Variants in FOCAD observed in about 807,000 individuals in gnomAD.
FOCAD encodes the protein focadhesin, also known as KIAA1797.
FOCAD carries 198 observed loss-of-function variants against 225.6 expected under a neutral mutation model. That is an observed-to-expected ratio of 0.88 (90% CI 0.78 to 0.99). FOCAD has a LOEUF of 0.99. FOCAD is among the 50% of genes least tolerant of loss of function. FOCAD has a pLI of 0.00. For synonymous variants in FOCAD, 897 were observed against 755.0 expected (o/e 1.19, Z -3.08); for missense variants, 2,713 against 2,123.6 (o/e 1.28, Z -5.46).
intron 11 of FOCAD, among the ~76,000 whole-genome samples, chr9:20,800,365 T>C (rs1200894823): frequency 1.3e-5 from 2 of 152,122 alleles, no homozygotes; most frequent in African/African-American, 2.4e-5. Context: ...TGTGGCATTC[T>C]CTGTGTTTCC....
chr9:20,805,048 C>T (rs1482587686), intron 11 of FOCAD, among the ~76,000 whole-genome samples: 1 of 152,138 alleles, frequency 6.6e-6, no homozygotes, highest in Admixed American at 6.6e-5. Flanking sequence ...GTAATAGTTT[C>T]CGCAGGGAAA....
At position 20,944,679 on chromosome 9, in the gene FOCAD, A is replaced by T; in HGVS notation, c.3460A>T (p.Ser1154Cys). 3.1e-6 allele frequency: 5 copies of T among 1,614,156 alleles called. No homozygotes were observed. Among genetic ancestry groups the T allele is most frequent in the Non-Finnish European group, 4.2e-6 (5 of 1,179,978 alleles). Residue 1154 changes from serine to cysteine, a missense_variant, in exon 29 of 44, where the codon AGC (serine) becomes TGC (cysteine). Transcript: ENST00000338382. ...TGTTCTGTCCCTCATGAGCCACAGC[A>T]GCCAAATGCAGTCCCGCGTTCACGT... The part of the protein sequence containing the change: ...GLVLSLMSHS[S>C]QMQSRVHVAA...
At chr9:20,991,234 TTA>T (rs1174351323) in intron 42 of FOCAD, among the ~76,000 whole-genome samples, 5 of 152,234 alleles carry the variant, frequency 3.3e-5, no homozygotes, top group Non-Finnish European at 5.9e-5. Context: ...GTACTTCTCA[TTA>T]TATGTTTCTG....
intron 15 of FOCAD, among the ~76,000 whole-genome samples, chr9:20,851,089 G>C (rs1478113779): frequency 6.6e-6 from 1 of 151,356 alleles, no homozygotes; most frequent in African/African-American, 2.4e-5. Context: ...CCTTAAGTTG[G>C]TTTAAGTGTC....
intron 19 of FOCAD, among the ~76,000 whole-genome samples, chr9:20,877,641 A>G (rs1830335500): frequency 6.6e-6 from 1 of 152,198 alleles, no homozygotes. Flanking sequence ...TTGTAACTGC[A>G]GTCACCGGAA....
At chr9:20,768,062 G>C (rs1488278341) in intron 7 of FOCAD, among the ~76,000 whole-genome samples, 7 of 150,438 alleles carry the variant, frequency 4.7e-5, no homozygotes, top group East Asian at 2.0e-4. Flanking sequence ...AGTTTTCCCA[G>C]CACCATTTAT....
In FOCAD at chr9:20,976,531, T is replaced by A. The variant is rs750912134; in HGVS notation, c.4244T>A (p.Leu1415His). The change falls in exon 36 of 44, where the codon CTT becomes CAT. Residue 1415 changes from leucine to histidine, a missense_variant. Coordinates refer to ENST00000338382, the MANE Select transcript of FOCAD (RefSeq NM_001375567.1). Reference protein sequence around the residue: ...PVNWAALLSPLMRLNFGEEIQ... With the variant: ...PVNWAALLSPHMRLNFGEEIQ... ...AACTGGGCTGCACTTCTCTCTCCACTTATGAGGCTAAATTTTGGTAAATAT... is the reference window on the plus strand; with the variant it reads ...AACTGGGCTGCACTTCTCTCTCCACATATGAGGCTAAATTTTGGTAAATAT... The A allele has an allele frequency of 1.2e-6, 2 of 1,613,090 alleles. No individual in the cohort carries two copies. Among genetic ancestry groups the A allele is most frequent in the Non-Finnish European group, 1.7e-6 (2 of 1,179,198 alleles).
intron 35 of FOCAD, among the ~76,000 whole-genome samples, chr9:20,971,555 C>G (rs1172720523): frequency 6.6e-6 from 1 of 151,842 alleles, no homozygotes; most frequent in Non-Finnish European, 1.5e-5. Flanking sequence ...TTCTCCTGCC[C>G]CAGCCTCCTG....
At chr9:20,699,319 G>C (rs1280042853) in intron 1 of FOCAD, among the ~76,000 whole-genome samples, 1 of 152,056 alleles carries the variant, frequency 6.6e-6, no homozygotes, top group Non-Finnish European at 1.5e-5. Context: ...GTAAGTTGCT[G>C]GTCTTTGGAG....
At chr9:20,921,059 A>G (rs1834378479) in intron 24 of FOCAD, among the ~76,000 whole-genome samples, 1 of 152,052 alleles carries the variant, frequency 6.6e-6, no homozygotes, top group East Asian at 1.9e-4. Flanking sequence ...TTTCACATCC[A>G]AAAAAATAAA....
chr9:20,760,618 A>AT lies in FOCAD; in HGVS notation c.494+2435dup, dbSNP rs372804466. Among the ~76,000 whole-genome samples the AT allele has an allele frequency of 5.3e-3, 810 of 151,500 alleles. 13 individuals are homozygous for AT. The highest frequency in any genetic ancestry group is 4.7e-3 in the Non-Finnish European group (316 of 67,850). ...CTTTATTTGAAATCTCTGTTTAGGC[A>AT]TTTTTTTTGCCCTAGGGTCTTTTCT... On this transcript the variant is annotated intron_variant, in intron 6 of 43. Transcript: ENST00000338382.
intron 21 of FOCAD, 90 bp downstream of exon 21, chr9:20,885,320 G>T (rs1005845886): frequency 9.5e-5 from 120 of 1,258,052 alleles, no homozygotes; most frequent in Middle Eastern, 6.7e-4. Flanking sequence ...TAATTTTTTT[G>T]ATCATAATTA....
At chr9:20,973,803 C>A (rs147869475) in intron 35 of FOCAD, among the ~76,000 whole-genome samples, 1,352 of 132,008 alleles carry the variant, frequency 0.01, no homozygotes, top group African/African-American at 0.036. Flanking sequence ...TCTTGCTTCC[C>A]CATTTTAGCA....
At chr9:20,832,474 G>A (rs912173519) in intron 15 of FOCAD, among the ~76,000 whole-genome samples, 3 of 151,708 alleles carry the variant, frequency 2.0e-5, no homozygotes, top group Admixed American at 6.6e-5. Flanking sequence ...ATACAGGCAC[G>A]CAACATGAAA....
intron 21 of FOCAD, among the ~76,000 whole-genome samples, chr9:20,895,854 C>T (rs931553026): frequency 1.6e-4 from 25 of 151,920 alleles, no homozygotes; most frequent in Admixed American, 1.2e-3. Context: ...CTTCAGCATA[C>T]ATTTTACTTT....
chr9:20,895,336 G>A (rs1831986755), intron 21 of FOCAD, among the ~76,000 whole-genome samples: 1 of 151,756 alleles, frequency 6.6e-6, no homozygotes, highest in African/African-American at 2.4e-5. Context: ...GAATCAATTT[G>A]TTGTTATCCA....
intron 33 of FOCAD, among the ~76,000 whole-genome samples, chr9:20,949,977 G>A (rs943468883): frequency 2.0e-5 from 3 of 152,148 alleles, no homozygotes; most frequent in African/African-American, 7.2e-5. Flanking sequence ...AGGAAAAATA[G>A]AAGGTGATCA....
chr9:20,704,819 C>T (rs1384389796), intron 1 of FOCAD, among the ~76,000 whole-genome samples: 1 of 152,160 alleles, frequency 6.6e-6, no homozygotes, highest in East Asian at 1.9e-4. Flanking sequence ...TCTATTTCTA[C>T]AAAATGTATT....
chr9:20,818,577 A>G (rs1403293464), intron 11 of FOCAD, among the ~76,000 whole-genome samples: 8 of 151,978 alleles, frequency 5.3e-5, no homozygotes, highest in Non-Finnish European at 8.8e-5. Flanking sequence ...ATTCTTTTGC[A>G]TGTGGATATA....
Sources: gnomAD v4.1 joint callset for allele counts (sites outside exome capture counted in the v4.1 genomes callset) on GRCh38, gnomAD v4.1.1 for gene constraint, MANE v1.5 for transcripts, NCBI Gene and HGNC (gene_info 2026-07-23, HGNC 2026-07-21) for gene names.